Variants in QRSL1 observed in about 807,000 individuals in gnomAD.
QRSL1 encodes the protein glutamyl-tRNA(Gln) amidotransferase subunit A, mitochondrial.
QRSL1 carries 54 observed loss-of-function variants against 61.6 expected under a neutral mutation model. The ratio of observed to expected loss-of-function variants is 0.88; its 90% CI spans 0.70 to 1.10. The LOEUF is 1.10. Among genes scored for constraint, QRSL1 ranks in the 50% least tolerant of loss-of-function variants. The probability of loss-of-function intolerance (pLI) is 0.00; values close to 1 mark genes in which losing one functional copy is unlikely to be tolerated. For missense variants in QRSL1, 505 were observed against 622.6 expected, an observed-to-expected ratio of 0.81 and a Z score of 2.01; for synonymous variants, 228 against 225.7, an observed-to-expected ratio of 1.01 and a Z score of -0.09.
rs183310375 is a variant in QRSL1 at position 106,640,578 on chromosome 6, T to C, written c.184+70T>C. 214 of 1,343,744 alleles carry C rather than the reference T, an allele frequency of 1.6e-4. No homozygotes were observed. The East Asian group carries it at 5.2e-3, about 33-fold the overall frequency. 83.2% of individuals were successfully genotyped at this position (1,343,744 alleles called of 1,614,324 possible). ...GTTTAATTGTTTGTAGCAGTCTCCA[T>C]TTGGCAAGTGAAGCTTTAAACATAA... On this transcript the variant is annotated intron_variant, in intron 2 of 10. Coordinates refer to ENST00000369046, the MANE Select transcript of QRSL1 (RefSeq NM_018292.5).
At chr6:106,656,991 C>T (rs1405836294) in intron 9 of QRSL1, among the ~76,000 whole-genome samples, 6 of 152,228 alleles carry the variant, frequency 3.9e-5, no homozygotes, top group African/African-American at 9.6e-5. Flanking sequence ...TATTTGAGGC[C>T]GGGCCCAGTG....
intron 5 of QRSL1, among the ~76,000 whole-genome samples, chr6:106,651,066 G>A (rs937567687): frequency 2.0e-5 from 3 of 152,090 alleles, no homozygotes; most frequent in Admixed American, 6.5e-5. Context: ...CTAAAACTGT[G>A]TACCCTTCAA....
chr6:106,664,719 A>G lies in QRSL1; in HGVS notation c.1367-1063A>G, dbSNP rs572838682. 2.6e-5 allele frequency among the ~76,000 whole-genome samples: 4 copies of G among 152,342 alleles called. No homozygotes were observed. The East Asian group carries it at 7.7e-4, about 29-fold the overall frequency. On this transcript the variant is annotated intron_variant, in intron 10 of 10. Transcript: ENST00000369046. The stretch of plus-strand genomic sequence containing the variant: ...TAATCTTCATGTCAGGAAACAGTTA[A>G]TATCAGTTTGTCTCACTTTTGGAAA...
intron 7 of QRSL1, 174 bp downstream of exon 7, chr6:106,652,756 A>C: frequency 6.6e-7 from 1 of 1,512,606 alleles, no homozygotes. Flanking sequence ...GTAAAATAGG[A>C]ATAATAAAAA....
At chr6:106,647,314 A>G (rs1174211162) in intron 4 of QRSL1, among the ~76,000 whole-genome samples, 1 of 152,104 alleles carries the variant, frequency 6.6e-6, no homozygotes, top group Non-Finnish European at 1.5e-5. Flanking sequence ...ACAATGCTTA[A>G]TATCGTTGAT....
chr6:106,666,868 CCT>C lies in QRSL1; in HGVS notation c.*871_*872del, dbSNP rs1777444426. The C allele has an allele frequency of 1.3e-5, 2 of 152,188 alleles. 1 individual carries two copies. Among genetic ancestry groups the C allele is most frequent in the Non-Finnish European group, 2.9e-5 (2 of 68,042 alleles). 9.4% of individuals were successfully genotyped at this position (152,188 alleles called of 1,614,324 possible). A position where few individuals can be genotyped will look rare whatever the true frequency, so the allele number is the denominator to read the frequency against. ...GAATCATGCAAATCTCAGGGGTATG[CCT>C]CTCTGGGGAGGAGCTCCACTTGCAG... On this transcript the variant is annotated 3_prime_UTR_variant, in exon 11 of 11. Coordinates refer to ENST00000369046, the MANE Select transcript of QRSL1 (RefSeq NM_018292.5).
intron 9 of QRSL1, among the ~76,000 whole-genome samples, chr6:106,657,415 T>C (rs1254569429): frequency 6.6e-6 from 1 of 152,222 alleles, no homozygotes; most frequent in African/African-American, 2.4e-5. Flanking sequence ...AAGATATTAC[T>C]TTTGCCAAAT....
At chr6:106,635,725 T>C (rs1202292426) in intron 1 of QRSL1, among the ~76,000 whole-genome samples, 2 of 151,826 alleles carry the variant, frequency 1.3e-5, no homozygotes, top group Non-Finnish European at 2.9e-5. Flanking sequence ...ATACAAAAAT[T>C]ATCCAGGTGG....
intron 6 of QRSL1, 40 bp downstream of exon 6, chr6:106,652,424 A>G: frequency 1.2e-6 from 2 of 1,613,616 alleles, no homozygotes; most frequent in Non-Finnish European, 1.7e-6. Flanking sequence ...CAGCTTCTCT[A>G]TAAAACAATA....
intron 10 of QRSL1, among the ~76,000 whole-genome samples, chr6:106,663,705 A>G (rs1483371089): frequency 6.6e-6 from 1 of 152,136 alleles, no homozygotes; most frequent in Non-Finnish European, 1.5e-5. Flanking sequence ...GGGGATTACA[A>G]TTCAACATGA....
rs143229554 is a variant in QRSL1, at chr6:106,656,258, TG to T, written c.1160+527del. Among the ~76,000 whole-genome samples the T allele has an allele frequency of 4.0e-3, 608 of 152,348 alleles. 5 individuals are homozygous for T. The highest frequency in any genetic ancestry group is 0.014 in the African/African-American group (576 of 41,582). The stretch of plus-strand genomic sequence containing the variant: ...CCCCCAACGGACACCAAGGAATGAA[TG>T]TAAGTAGGAAGCCATTAAGGATTTT... On this transcript the variant is annotated intron_variant, in intron 9 of 10. Transcript: ENST00000369046.
chr6:106,651,540 A>G (rs952858220), intron 5 of QRSL1, among the ~76,000 whole-genome samples: 2 of 152,194 alleles, frequency 1.3e-5, no homozygotes, highest in African/African-American at 4.8e-5. Context: ...GCTAGCCTAA[A>G]AAGTACTCAC....
In QRSL1 at chr6:106,642,985, T is replaced by G. The variant is rs192956069; in HGVS notation, c.284-9T>G. ...GTAAAAAAAATAATAGTAACTAAAT[T>G]TTTTTCAGGTTATATACCACCTTAT... On this transcript the variant is annotated splice_polypyrimidine_tract_variant and intron_variant, in intron 3 of 10. Coordinates refer to ENST00000369046, the MANE Select transcript of QRSL1 (RefSeq NM_018292.5). The G allele has an allele frequency of 1.3e-6, 2 of 1,575,522 alleles. No individual in the cohort carries two copies. Among genetic ancestry groups the G allele is most frequent in the East Asian group, 2.2e-5 (1 of 44,710 alleles).
chr6:106,643,680 CA>C (rs112408577), intron 4 of QRSL1, among the ~76,000 whole-genome samples: 14,589 of 112,488 alleles, frequency 0.13, 911 homozygotes, highest in African/African-American at 0.23. Context: ...AACTCTGTCT[CA>C]AAAAAAAAAA....
rs1582408752 is a variant in QRSL1, at chr6:106,640,719, G to A, written c.185-104G>A. ...TTCTGCCATAAATTTGTTTTCTGAA[G>A]AAGTATCTTTGCCAAAAACTAGTAG... On this transcript the variant is annotated intron_variant, in intron 2 of 10. Transcript: ENST00000369046. 5 of 1,130,298 alleles carry A rather than the reference G, an allele frequency of 4.4e-6. No individual in the cohort carries two copies. The East Asian group carries it at 9.5e-5, about 22-fold the overall frequency. 70.0% of individuals were successfully genotyped at this position (1,130,298 alleles called of 1,614,324 possible). A position where few individuals can be genotyped will look rare whatever the true frequency, so the allele number is the denominator to read the frequency against.
chr6:106,639,138 T>TTTG (rs1776975796), intron 1 of QRSL1, among the ~76,000 whole-genome samples: 2 of 143,686 alleles, frequency 1.4e-5, no homozygotes, highest in East Asian at 4.2e-4. Flanking sequence ...TTTTTTTTTT[T>TTTG]TTTTTTTTGA....
At chr6:106,638,103 G>A (rs12199993) in intron 1 of QRSL1, among the ~76,000 whole-genome samples, 85,382 of 151,898 alleles carry the variant, frequency 0.56, 24,397 homozygotes, top group Non-Finnish European at 0.62. Flanking sequence ...GGCAAATGCA[G>A]TTTTCCTCAT....
chr6:106,655,868 G>A lies in QRSL1; in HGVS notation c.1160+136G>A, dbSNP rs1777262244. ...TTGAATTAGAAAAGACCTGTTTATG[G>A]CACTTTTGGGTCCTGGTATTCAAAA... On this transcript the variant is annotated intron_variant, in intron 9 of 10. Coordinates refer to ENST00000369046, the MANE Select transcript of QRSL1 (RefSeq NM_018292.5). 5.2e-6 allele frequency: 3 copies of A among 576,762 alleles called. No homozygotes were observed. The African/African-American group carries it at 5.7e-5, about 11-fold the overall frequency. 35.7% of individuals were successfully genotyped at this position (576,762 alleles called of 1,614,324 possible).
chr6:106,632,573 A>T (rs1776855157), intron 1 of QRSL1, among the ~76,000 whole-genome samples: 1 of 152,086 alleles, frequency 6.6e-6, no homozygotes, highest in Non-Finnish European at 1.5e-5. Flanking sequence ...TAGTGGCTGT[A>T]GTAATTTACA....
Sources: gnomAD v4.1 joint callset for allele counts (sites outside exome capture counted in the v4.1 genomes callset) on GRCh38, gnomAD v4.1.1 for gene constraint, MANE v1.5 for transcripts, NCBI Gene and HGNC (gene_info 2026-07-23, HGNC 2026-07-21) for gene names.